Variants in ZNF140 observed in about 807,000 individuals in gnomAD.
The protein encoded by ZNF140 is zinc finger protein 140, also known as zinc finger protein 140 (clone pHZ-39).
A neutral mutation model predicts 12.9 loss-of-function variants in ZNF140; 13 were observed. The observed-to-expected ratio is 1.01, with a 90% CI of 0.66 to 1.60. The LOEUF (loss-of-function observed/expected upper bound fraction) is 1.60, where lower values mean the gene tolerates loss of function less well. ZNF140 is among the 40% of genes most tolerant of loss of function. The pLI, the probability that ZNF140 is intolerant of heterozygous loss-of-function variation, is 0.00. For missense variants in ZNF140, 531 were observed against 548.8 expected, an observed-to-expected ratio of 0.97 and a Z score of 0.32; for synonymous variants, 214 against 186.7, an observed-to-expected ratio of 1.15 and a Z score of -1.19.
rs150286886 is a variant in ZNF140, at chr12:133,083,236, ATTC to A, written c.136+14_136+16del. The A allele has an allele frequency of 1.9e-3, 3,095 of 1,604,778 alleles. 56 individuals carry two copies. In the African/African-American group the frequency reaches 0.035, roughly 18 times the overall value. ...GGCCATCTGGTCTCACTGGGTAAGT[ATTC>A]TTCTTCATCTCCCTCAAGGCAAAAT... On this transcript the variant is annotated splice_region_variant and intron_variant, in intron 3 of 4. Transcript: ENST00000355557.
At position 133,101,391 on chromosome 12, in the gene ZNF140, A is replaced by G. The variant is rs113250151; in HGVS notation, c.233-4119A>G. 1.8e-4 allele frequency among the ~76,000 whole-genome samples: 27 copies of G among 149,972 alleles called. No homozygotes were observed. The South Asian group carries it at 4.3e-3, about 24-fold the overall frequency. Reference sequence around the variant, plus strand: ...CTGTTTTTCAGTTTTGGACGTTTCTATTGAGATATCTACACAGAATACTTA... The same window carrying G: ...CTGTTTTTCAGTTTTGGACGTTTCTGTTGAGATATCTACACAGAATACTTA... On this transcript the variant is annotated intron_variant, in intron 4 of 4. Coordinates refer to ENST00000355557, the MANE Select transcript of ZNF140 (RefSeq NM_003440.4).
intron 4 of ZNF140, among the ~76,000 whole-genome samples, chr12:133,102,770 A>G (rs1326405097): frequency 6.6e-6 from 1 of 151,858 alleles, no homozygotes; most frequent in Non-Finnish European, 1.5e-5. Context: ...AAAAAGAAAA[A>G]AGAAACCTTC....
intron 4 of ZNF140, among the ~76,000 whole-genome samples, chr12:133,093,137 C>A (rs1227927157): frequency 2.0e-5 from 3 of 151,028 alleles, no homozygotes; most frequent in Non-Finnish European, 4.4e-5. Flanking sequence ...ATAATGATAC[C>A]CAATGGAAAT....
intron 4 of ZNF140, among the ~76,000 whole-genome samples, chr12:133,102,124 G>C (rs1399767222): frequency 4.6e-5 from 7 of 152,162 alleles, no homozygotes; most frequent in Non-Finnish European, 2.9e-5. Context: ...TCTGGACTAA[G>C]AACTTAATTA....
In ZNF140 at chr12:133,106,389, C is replaced by G; in HGVS notation, c.1112C>G (p.Ser371Cys). The G allele has an allele frequency of 6.2e-7, 1 of 1,614,096 alleles. No individual in the cohort carries two copies. The highest frequency in any genetic ancestry group is 2.2e-5 in the East Asian group (1 of 44,872). The change falls in exon 5 of 5, where the codon TCC (serine) becomes TGC (cysteine). Residue 371 changes from serine to cysteine, a missense_variant. Transcript: ENST00000355557. ...ECGKVFTWHASLIQHTKSHTG... is the reference protein window; with the variant it reads ...ECGKVFTWHACLIQHTKSHTG... ...GGTAAAGTTTTCACTTGGCATGCAT[C>G]CCTTATTCAACATACGAAGAGTCAC...
intron 4 of ZNF140, chr12:133,084,269 G>T: frequency 5.5e-6 from 2 of 361,076 alleles, no homozygotes; most frequent in South Asian, 2.2e-5. Flanking sequence ...ATATTTTGCT[G>T]TTCTATTTAA....
chr12:133,093,402 T>C lies in ZNF140; in HGVS notation c.232+9841T>C, dbSNP rs867644677. ...ATATTCTCTGGAGTTTGTGTTACTC[T>C]TGTGTTTTCCAGGCTTTTTTTCAGC... On this transcript the variant is annotated intron_variant, in intron 4 of 4. Transcript: ENST00000355557. The C allele has an allele frequency of 4.4e-5, 31 of 698,278 alleles. No homozygotes were observed. The Middle Eastern group carries it at 2.6e-3, about 58-fold the overall frequency. The allele number at this position is 698,278 out of a possible 1,614,324, so 43.3% of individuals were successfully genotyped here. A position where few individuals can be genotyped will look rare whatever the true frequency, so the allele number is the denominator to read the frequency against.
At chr12:133,100,799 T>C (rs1015466918) in intron 4 of ZNF140, among the ~76,000 whole-genome samples, 2 of 152,008 alleles carry the variant, frequency 1.3e-5, no homozygotes, top group Admixed American at 6.6e-5. Context: ...CTGCATCAGG[T>C]GATCTGACAG....
intron 4 of ZNF140, among the ~76,000 whole-genome samples, chr12:133,086,015 T>A (rs1306497025): frequency 1.3e-5 from 2 of 152,166 alleles, no homozygotes; most frequent in Non-Finnish European, 2.9e-5. Context: ...CAAGACCCTA[T>A]TTTTTTAAAA....
Position 133,105,781 on chromosome 12 carries a change from A to G in ZNF140, c.504A>G (p.Lys168=), listed in dbSNP as rs1238435770. 5 of 1,614,152 alleles carry G rather than the reference A, an allele frequency of 3.1e-6. No homozygotes were observed. The highest frequency in any genetic ancestry group is 3.3e-5 in the Admixed American group (2 of 60,032). The change falls in exon 5 of 5, where the codon AAA becomes AAG. Residue 168 remains lysine (K), a synonymous_variant. Coordinates refer to ENST00000355557, the MANE Select transcript of ZNF140 (RefSeq NM_003440.4). The part of the protein sequence containing the change: ...ERPYGCHECG[K]TFGRRFSLVL... Reference sequence around the variant, plus strand: ...CCTATGGATGCCATGAATGTGGAAAAACTTTTGGTCGACGCTTTTCCCTGG... The same window carrying G: ...CCTATGGATGCCATGAATGTGGAAAGACTTTTGGTCGACGCTTTTCCCTGG...
intron 2 of ZNF140, chr12:133,082,452 C>T (rs1954535041): frequency 6.6e-6 from 1 of 152,328 alleles, no homozygotes; most frequent in African/African-American, 2.4e-5. Flanking sequence ...GGTGCAAAAC[C>T]AGGCTGCAAA....
At chr12:133,091,174 TCA>T (rs1954870039) in intron 4 of ZNF140, among the ~76,000 whole-genome samples, 1 of 150,222 alleles carries the variant, frequency 6.7e-6, no homozygotes, top group African/African-American at 2.5e-5. Flanking sequence ...TTTCAGACTC[TCA>T]CATTGGGAGA....
chr12:133,097,851 T>TG (rs1219923897), intron 4 of ZNF140, among the ~76,000 whole-genome samples: 2 of 78,558 alleles, frequency 2.5e-5, no homozygotes, highest in Admixed American at 1.1e-4. Context: ...GTGTGTGTGT[T>TG]TTTGAGATGA....
At chr12:133,103,383 C>T (rs1955433351) in intron 4 of ZNF140, among the ~76,000 whole-genome samples, 1 of 151,734 alleles carries the variant, frequency 6.6e-6, no homozygotes, top group Non-Finnish European at 1.5e-5. Flanking sequence ...GTCACTCTGT[C>T]AAGTAGCTAG....
intron 2 of ZNF140, 35 bp downstream of exon 2, chr12:133,081,364 TATATATAA>T (rs1261748478): frequency 7.8e-5 from 21 of 268,650 alleles, no homozygotes; most frequent in African/African-American, 5.4e-4. Flanking sequence ...TATATATATA[TATATATAA>T]ATTTTTATTT....
intron 4 of ZNF140, among the ~76,000 whole-genome samples, chr12:133,095,518 G>T (rs922856364): frequency 6.6e-6 from 1 of 151,188 alleles, no homozygotes; most frequent in Non-Finnish European, 1.5e-5. Context: ...TTCTAGTCGG[G>T]TGGGATGAGA....
Position 133,106,228 on chromosome 12 carries a change from T to G in ZNF140, c.951T>G (p.Thr317=). 6.2e-7 allele frequency: 1 copy of G among 1,614,158 alleles called. No homozygotes were observed. The highest frequency in any genetic ancestry group is 8.5e-7 in the Non-Finnish European group (1 of 1,180,024). ...CATTTCGCCGTTTCTCACACCTTAC[T>G]CGACATCAGAGCATCCATACAACCA... The part of the protein sequence containing the change: ...GKAFRRFSHL[T]RHQSIHTTKT... Residue 317 remains threonine (T), a synonymous_variant, in exon 5 of 5, where the codon ACT becomes ACG. Transcript: ENST00000355557.
At chr12:133,103,495 CA>C (rs1467547304) in intron 4 of ZNF140, among the ~76,000 whole-genome samples, 1 of 150,358 alleles carries the variant, frequency 6.7e-6, no homozygotes, top group African/African-American at 2.5e-5. Context: ...AGGCTGGTCT[CA>C]AACTCTAGGA....
At position 133,093,475 on chromosome 12, in the gene ZNF140, T is replaced by G. The variant is rs774280051; in HGVS notation, c.232+9914T>G. 2 of 699,716 alleles carry G rather than the reference T, an allele frequency of 2.9e-6. 1 individual carries two copies. Among genetic ancestry groups the G allele is most frequent in the South Asian group, 3.0e-5 (2 of 67,400 alleles). 43.3% of individuals were successfully genotyped at this position (699,716 alleles called of 1,614,324 possible). On this transcript the variant is annotated intron_variant, in intron 4 of 4. Transcript: ENST00000355557. ...TGGGCCCATGTCGACGGCTCCGCTT[T>G]CTTGGTAGATGGAAACTTCTTTTGT...
Sources: allele counts gnomAD v4.1 joint callset (sites outside exome capture counted in the v4.1 genomes callset), GRCh38; gene constraint gnomAD v4.1.1; transcripts MANE v1.5; gene names NCBI Gene and HGNC (gene_info 2026-07-23, HGNC 2026-07-21).